Variants in NFX1 observed in about 807,000 individuals in gnomAD.
NFX1 encodes the protein nuclear transcription factor, X-box binding 1.
In NFX1, 69 loss-of-function variants were observed where a neutral mutation model predicts 137.2. The observed-to-expected ratio is 0.50, with a 90% CI of 0.41 to 0.61. The LOEUF (loss-of-function observed/expected upper bound fraction) is 0.61. Among genes scored for constraint, NFX1 ranks in the 20% least tolerant of loss-of-function variants. The pLI is 0.00. For synonymous variants in NFX1, 495 were observed against 474.1 expected (o/e 1.04, Z -0.57); for missense variants, 1,167 against 1,391.0 (o/e 0.84, Z 2.56).
intron 7 of NFX1, 26 bp downstream of exon 7, chr9:33,313,819 A>G (rs1822053063): frequency 1.2e-6 from 2 of 1,603,490 alleles, no homozygotes; most frequent in African/African-American, 2.7e-5. Flanking sequence ...ACCAGCTAGC[A>G]ATGCTTGTGT....
intron 2 of NFX1, among the ~76,000 whole-genome samples, chr9:33,300,413 A>G (rs12353391): frequency 0.071 from 10,779 of 152,044 alleles, 417 homozygotes; most frequent in East Asian, 0.093. Flanking sequence ...TGTGCTTGCA[A>G]TGTTGTATTT....
At chr9:33,299,695 A>G (rs1821483176) in intron 2 of NFX1, among the ~76,000 whole-genome samples, 1 of 152,180 alleles carries the variant, frequency 6.6e-6, no homozygotes, top group Non-Finnish European at 1.5e-5. Context: ...TTTCACAGAA[A>G]GAGGTTGTGG....
At chr9:33,325,445 C>T (rs1028607054) in intron 9 of NFX1, among the ~76,000 whole-genome samples, 6 of 152,080 alleles carry the variant, frequency 3.9e-5, no homozygotes, top group East Asian at 1.9e-4. Context: ...GGGTGGATCA[C>T]GAGGTCAGGA....
At position 33,319,052 on chromosome 9, in the gene NFX1, A is replaced by T; in HGVS notation, c.1831A>T (p.Ser611Cys). The change falls in exon 9 of 24, where the codon AGT (serine) becomes TGT (cysteine). Residue 611 changes from serine (S) to cysteine (C), a missense_variant. Physicochemically the swap from Ser to Cys is moderately radical, Grantham distance 112. This residue lies in a region of NFX1 where 488 missense variants were observed against 691.5 expected (regional missense o/e 0.71). Transcript: ENST00000379540. ...LSQLLELGSSSRKTCMDPVPS... is the reference protein window; with the variant it reads ...LSQLLELGSSCRKTCMDPVPS... Reference sequence around the variant, plus strand: ...CCAATTGCTAGAACTTGGAAGTAGTAGTCGGAAAACATGCATGGACCCTGT... The same window carrying T: ...CCAATTGCTAGAACTTGGAAGTAGTTGTCGGAAAACATGCATGGACCCTGT... 1 of 1,614,220 alleles carries T rather than the reference A, an allele frequency of 6.2e-7. No homozygotes were observed. The highest frequency in any genetic ancestry group is 2.2e-5 in the East Asian group (1 of 44,884).
chr9:33,296,555 C>A (rs568492263), intron 2 of NFX1, among the ~76,000 whole-genome samples: 26 of 152,254 alleles, frequency 1.7e-4, no homozygotes, highest in African/African-American at 6.3e-4. Context: ...TAAGGAGACC[C>A]TGTCACTACA....
chr9:33,347,609 G>A, intron 15 of NFX1: 1 of 311,596 alleles, frequency 3.2e-6, no homozygotes, highest in Non-Finnish European at 6.5e-6. Flanking sequence ...AACCACTGTG[G>A]AAAACTGTGG....
At position 33,303,212 on chromosome 9, in the gene NFX1, GC is replaced by G; in HGVS notation, c.1217del (p.Pro406LeufsTer21). ...ACAGATGGCCAGAGTGGTTGGAGGT[GC>G]CCTGCCTGTCAGAATGTTTCTGCAC... ...SQADGQSGWR[C>X]PACQNVSAHV... On this transcript the variant is annotated frameshift_variant, in exon 4 of 24. Coordinates refer to ENST00000379540, the MANE Select transcript of NFX1 (RefSeq NM_002504.6). LOFTEE classifies it high-confidence loss of function. The G allele has an allele frequency of 1.2e-6, 2 of 1,614,032 alleles. No individual in the cohort carries two copies. Among genetic ancestry groups the G allele is most frequent in the Non-Finnish European group, 1.7e-6 (2 of 1,180,004 alleles).
intron 14 of NFX1, among the ~76,000 whole-genome samples, chr9:33,344,693 C>G (rs572097385): frequency 4.6e-5 from 7 of 151,498 alleles, no homozygotes; most frequent in Middle Eastern, 3.4e-3. Flanking sequence ...TGGTGAAACC[C>G]CGTCTCTACT....
intron 9 of NFX1, 88 bp downstream of exon 9, chr9:33,319,215 T>G: frequency 9.4e-7 from 1 of 1,062,938 alleles, no homozygotes; most frequent in South Asian, 1.4e-5. Flanking sequence ...AAGTAAGTGC[T>G]AGTTACAATA....
chr9:33,367,408 G>T, intron 22 of NFX1, 107 bp from the exon 23 acceptor site: 1 of 1,038,600 alleles, frequency 9.6e-7, no homozygotes, highest in South Asian at 1.4e-5. Flanking sequence ...ACCAGAGAGT[G>T]CTCAGTAGTG....
Position 33,303,201 on chromosome 9 carries a change from T to C in NFX1, c.1203T>C (p.Ser401=). 1 of 1,613,882 alleles carries C rather than the reference T, an allele frequency of 6.2e-7. No homozygotes were observed. The highest frequency in any genetic ancestry group is 1.1e-5 in the South Asian group (1 of 91,064). ...CATTTTTCCTGACAGATGGCCAGAG[T>C]GGTTGGAGGTGCCCTGCCTGTCAGA... ...RSPASQADGQ[S]GWRCPACQNV... is the part of the protein sequence containing the mutation. The change falls in exon 4 of 24, where the codon AGT becomes AGC. Residue 401 remains serine, a synonymous_variant. Transcript: ENST00000379540.
Position 33,294,949 on chromosome 9 carries a change from G to GT in NFX1, c.555_556insT (p.Gly186TrpfsTer6), listed in dbSNP as rs753959250. ...GCTATGGTAGAGGACCAAAAGTCAA[G>GT]GGGAAACTCAAATGTGAATGGAGTA... On this transcript the variant is annotated frameshift_variant, in exon 2 of 24. Coordinates refer to ENST00000379540, the MANE Select transcript of NFX1 (RefSeq NM_002504.6). LOFTEE classifies it high-confidence loss of function. 1 of 1,614,136 alleles carries GT rather than the reference G, an allele frequency of 6.2e-7. No homozygotes were observed. The highest frequency in any genetic ancestry group is 8.5e-7 in the Non-Finnish European group (1 of 1,180,030).
chr9:33,352,325 G>A, intron 16 of NFX1: 1 of 474,498 alleles, frequency 2.1e-6, no homozygotes, highest in South Asian at 1.7e-5. Flanking sequence ...GAGTTGGCTT[G>A]GAGTTGGCTA....
chr9:33,299,020 A>C (rs1445631908), intron 2 of NFX1, among the ~76,000 whole-genome samples: 1 of 152,240 alleles, frequency 6.6e-6, no homozygotes, highest in Non-Finnish European at 1.5e-5. Flanking sequence ...AGCCTAGTAG[A>C]GAAAAAGGTG....
At position 33,290,544 on chromosome 9, in the gene NFX1, A is replaced by G. The variant is rs978234867; in HGVS notation, c.-29A>G. ...CTGGTGACAGTGCTGACTTGGCTGT[A>G]CAGCTCGATCTAGGTTCTGCGGCAC... is the stretch of plus-strand genomic sequence containing the variant. On this transcript the variant is annotated 5_prime_UTR_variant, in exon 1 of 24. Coordinates refer to ENST00000379540, the MANE Select transcript of NFX1 (RefSeq NM_002504.6). The G allele has an allele frequency of 6.2e-7, 1 of 1,613,734 alleles. No individual in the cohort carries two copies. Among genetic ancestry groups the G allele is most frequent in the African/African-American group, 1.3e-5 (1 of 74,928 alleles).
chr9:33,306,705 T>G (rs1437867782), intron 4 of NFX1, among the ~76,000 whole-genome samples: 1 of 152,186 alleles, frequency 6.6e-6, no homozygotes, highest in African/African-American at 2.4e-5. Context: ...TATAAAAGTA[T>G]AAGGTCTTTT....
intron 19 of NFX1, among the ~76,000 whole-genome samples, chr9:33,360,202 T>G (rs1243389825): frequency 6.6e-6 from 1 of 152,226 alleles, no homozygotes; most frequent in Non-Finnish European, 1.5e-5. Context: ...AAAGACATAT[T>G]GTATACTAGT....
chr9:33,345,181 AAAAAG>A (rs1823373846), intron 14 of NFX1, among the ~76,000 whole-genome samples: 1 of 150,310 alleles, frequency 6.7e-6, no homozygotes, highest in Admixed American at 6.7e-5. Flanking sequence ...AAAGAAAAAG[AAAAAG>A]AAAAAAAAGG....
intron 2 of NFX1, among the ~76,000 whole-genome samples, chr9:33,296,724 GC>G (rs1038896320): frequency 3.7e-4 from 56 of 151,852 alleles, no homozygotes; most frequent in African/African-American, 5.3e-4. Flanking sequence ...ACCCTGTTTT[GC>G]GGGGGGAAAA....
Sources: gnomAD v4.1 joint callset for allele counts (sites outside exome capture counted in the v4.1 genomes callset) on GRCh38, gnomAD v4.1.1 for gene constraint, gnomAD v4.1.1 regional missense constraint, MANE v1.5 for transcripts, NCBI Gene and HGNC (gene_info 2026-07-23, HGNC 2026-07-21) for gene names.